MMP2: variants seen among roughly 807,000 people sequenced by gnomAD.
The protein encoded by MMP2 is matrix metallopeptidase 2, also known as 72 kDa type IV collagenase.
Under a neutral mutation model 74.8 loss-of-function variants are expected in MMP2, and 39 were observed. That is an observed-to-expected ratio of 0.52 (90% CI 0.40 to 0.68). The LOEUF (loss-of-function observed/expected upper bound fraction) is 0.68, where lower values mean the gene tolerates loss of function less well. MMP2 is among the 30% of genes least tolerant of loss of function. The pLI, the probability that MMP2 is intolerant of heterozygous loss-of-function variation, is 0.00. For synonymous variants in MMP2, 367 were observed against 339.8 expected, an observed-to-expected ratio of 1.08 and a Z score of -0.88; for missense variants, 803 against 878.3, an observed-to-expected ratio of 0.91 and a Z score of 1.08.
intron 3 of MMP2, 130 bp downstream of exon 3, chr16:55,484,294 G>A: frequency 8.8e-7 from 1 of 1,135,594 alleles, no homozygotes; most frequent in Non-Finnish European, 1.3e-6. Flanking sequence ...TGTGGGCCCT[G>A]GGGGTGGTTT....
chr16:55,491,297 G>T (rs955442103), intron 7 of MMP2, among the ~76,000 whole-genome samples: 13 of 152,084 alleles, frequency 8.5e-5, no homozygotes, highest in Admixed American at 3.9e-4. Flanking sequence ...GCTGGCTGTG[G>T]CTCAGCCTGT....
chr16:55,489,858 G>C, intron 7 of MMP2, 34 bp downstream of exon 7: 1 of 1,609,934 alleles, frequency 6.2e-7, no homozygotes, highest in Non-Finnish European at 8.5e-7. Flanking sequence ...AGAGACCCTG[G>C]ACATTGCCCT....
intron 9 of MMP2, among the ~76,000 whole-genome samples, chr16:55,494,258 C>A (rs772931744): frequency 5.9e-5 from 9 of 152,174 alleles, no homozygotes; most frequent in Admixed American, 2.0e-4. Context: ...TAATCATAGA[C>A]AAGTTAATTA....
intron 6 of MMP2, 130 bp downstream of exon 6, chr16:55,488,846 A>G: frequency 1.0e-6 from 1 of 955,572 alleles, no homozygotes; most frequent in Non-Finnish European, 1.6e-6. Flanking sequence ...TGCGAATGAC[A>G]TCCACACCAA....
At chr16:55,504,591 T>C (rs1419029826) in intron 12 of MMP2, among the ~76,000 whole-genome samples, 5 of 151,972 alleles carry the variant, frequency 3.3e-5, no homozygotes, top group African/African-American at 7.3e-5. Flanking sequence ...TGGGCTTTTG[T>C]TGTGTTTTGG....
intron 3 of MMP2, 119 bp from the exon 4 acceptor site, chr16:55,485,180 G>C (rs1567374127): frequency 6.9e-7 from 1 of 1,442,324 alleles, no homozygotes; most frequent in Non-Finnish European, 9.8e-7. Context: ...AACCCCACTG[G>C]GACAAGGGAA....
chr16:55,488,416 A>T, intron 5 of MMP2, 127 bp from the exon 6 acceptor site: 1 of 934,544 alleles, frequency 1.1e-6, no homozygotes, highest in Non-Finnish European at 1.7e-6. Context: ...ACCAGTAGAG[A>T]TGTTTTCTTA....
chr16:55,485,178 TG>T (rs1259970089), intron 3 of MMP2, 120 bp from the exon 4 acceptor site: 1 of 1,429,652 alleles, frequency 7.0e-7, no homozygotes, highest in East Asian at 2.3e-5. Context: ...ATAACCCCAC[TG>T]GGACAAGGGA....
chr16:55,484,183 A>T lies in MMP2; in HGVS notation c.529+19A>T. ...CGCTGGGGTAGGCAGAAGATGGGGC[A>T]GAAGAGGGGCCAGCAGGGATCAGTG... On this transcript the variant is annotated intron_variant, in intron 3 of 12. Coordinates refer to ENST00000219070, the MANE Select transcript of MMP2 (RefSeq NM_004530.6). 2 of 1,613,138 alleles carry T rather than the reference A, an allele frequency of 1.2e-6. No individual in the cohort carries two copies. The highest frequency in any genetic ancestry group is 1.7e-6 in the Non-Finnish European group (2 of 1,179,602).
intron 11 of MMP2, among the ~76,000 whole-genome samples, chr16:55,501,551 G>T (rs1292918067): frequency 6.6e-6 from 1 of 152,218 alleles, no homozygotes; most frequent in Non-Finnish European, 1.5e-5. Flanking sequence ...AGGGAACTTG[G>T]TTTTGGTGAC....
In MMP2 at chr16:55,491,916, T is replaced by C. The variant is rs1025641961; in HGVS notation, c.1296T>C (p.Arg432=). The C allele has an allele frequency of 6.2e-7, 1 of 1,612,714 alleles. No homozygotes were observed. The highest frequency in any genetic ancestry group is 8.5e-7 in the Non-Finnish European group (1 of 1,179,356). The change falls in exon 8 of 13, where the codon CGT becomes CGC. Residue 432 remains arginine, a synonymous_variant. Transcript: ENST00000219070. ...APIYTYTKNF[R]LSQDDIKGIQ... ...TTTACACCTACACCAAGAACTTCCGTCTGTCCCAGGATGACATCAAGGGCA... is the reference window on the plus strand; with the variant it reads ...TTTACACCTACACCAAGAACTTCCGCCTGTCCCAGGATGACATCAAGGGCA...
At chr16:55,482,820 G>A (rs1347477451) in intron 1 of MMP2, 89 bp from the exon 2 acceptor site, 2 of 1,125,462 alleles carry the variant, frequency 1.8e-6, no homozygotes, top group African/African-American at 3.1e-5. Flanking sequence ...ATGGCACTGG[G>A]TTGGGGGGCT....
chr16:55,481,823 A>C (rs368155473), intron 1 of MMP2: 2 of 750,530 alleles, frequency 2.7e-6, no homozygotes, highest in African/African-American at 3.4e-5. Flanking sequence ...CAAACTGGGA[A>C]ATTTCCTATC....
rs907880548 is a variant in MMP2, at chr16:55,488,783, A to G, written c.1006+67A>G. 3.0e-5 allele frequency: 45 copies of G among 1,506,754 alleles called. No homozygotes were observed. In the Admixed American group the frequency reaches 6.5e-4, roughly 22 times the overall value. The allele number at this position is 1,506,754 out of a possible 1,614,324, so 93.3% of individuals were successfully genotyped here. A position where few individuals can be genotyped will look rare whatever the true frequency, so the allele number is the denominator to read the frequency against. ...GCTGTCTGACAAAAAAAAAACCCAT[A>G]AGACTCCGAGTGCCCACCTCCTTTC... On this transcript the variant is annotated intron_variant, in intron 6 of 12. Coordinates refer to ENST00000219070, the MANE Select transcript of MMP2 (RefSeq NM_004530.6).
At chr16:55,484,948 T>C (rs1962203869) in intron 3 of MMP2, among the ~76,000 whole-genome samples, 1 of 152,070 alleles carries the variant, frequency 6.6e-6, no homozygotes, top group Non-Finnish European at 1.5e-5. Context: ...ATTGACAGGA[T>C]GGAGGATGGC....
chr16:55,494,551 C>T (rs772550580), intron 9 of MMP2, among the ~76,000 whole-genome samples: 7 of 152,120 alleles, frequency 4.6e-5, no homozygotes, highest in East Asian at 1.9e-4. Context: ...CAAAGACAGG[C>T]GCATGGGCCT....
intron 10 of MMP2, among the ~76,000 whole-genome samples, chr16:55,497,616 C>A (rs1362584783): frequency 6.6e-6 from 1 of 152,130 alleles, no homozygotes; most frequent in Non-Finnish European, 1.5e-5. Context: ...TCACTGAAAG[C>A]AGAATGTTAA....
At chr16:55,495,599 TA>T (rs1962512491) in intron 9 of MMP2, among the ~76,000 whole-genome samples, 1 of 152,218 alleles carries the variant, frequency 6.6e-6, no homozygotes, top group Non-Finnish European at 1.5e-5. Context: ...ATTTGAATCC[TA>T]ACCTCTCTGA....
intron 1 of MMP2, 129 bp from the exon 2 acceptor site, chr16:55,482,780 G>A (rs1962136822): frequency 6.3e-6 from 5 of 795,444 alleles, no homozygotes; most frequent in Non-Finnish European, 8.5e-6. Flanking sequence ...CCAGTGCTCT[G>A]GGACCCCTGG....
Sources: gnomAD v4.1 joint callset for allele counts (sites outside exome capture counted in the v4.1 genomes callset) on GRCh38, gnomAD v4.1.1 for gene constraint, MANE v1.5 for transcripts, NCBI Gene and HGNC (gene_info 2026-07-23, HGNC 2026-07-21) for gene names.